The following MIPEP variants were observed in gnomAD, a reference collection of about 807,000 sequenced individuals.
MIPEP encodes mitochondrial intermediate peptidase.
Under a neutral mutation model 90.3 loss-of-function variants are expected in MIPEP, and 79 were observed. The ratio of observed to expected loss-of-function variants is 0.87; its 90% CI spans 0.73 to 1.05. The LOEUF (loss-of-function observed/expected upper bound fraction) is 1.05. Ranked by LOEUF, MIPEP falls within the 50% of genes least tolerant of loss-of-function variation. The pLI is 0.00. For synonymous variants in MIPEP, 334 were observed against 315.8 expected (o/e 1.06, Z -0.61); for missense variants, 940 against 905.6 (o/e 1.04, Z -0.49).
rs1384202045 is a variant in MIPEP at position 23,889,217 on chromosome 13, C to A, written c.104G>T (p.Arg35Met). The change falls in exon 1 of 19, where the codon AGG (arginine) becomes ATG (methionine). Residue 35 changes from arginine to methionine, a missense_variant. Transcript: ENST00000382172. ...CACGGGAGACCAGCTGGTGCTGACCCTTCGGGCCCGGATCCCGGCTTCGAG... is the reference window on the plus strand; with the variant it reads ...CACGGGAGACCAGCTGGTGCTGACCATTCGGGCCCGGATCCCGGCTTCGAG... ...GSLEAGIRAR[R>M]VSTSWSPVGA... 6 of 1,429,550 alleles carry A rather than the reference C, an allele frequency of 4.2e-6. No individual in the cohort carries two copies. The highest frequency in any genetic ancestry group is 5.5e-6 in the Non-Finnish European group (6 of 1,093,412). 88.6% of individuals were successfully genotyped at this position (1,429,550 alleles called of 1,614,324 possible).
chr13:23,837,735 C>T lies in MIPEP; in HGVS notation c.1360G>A (p.Gly454Arg). Residue 454 changes from glycine (G) to arginine (R), a missense_variant, in exon 13 of 19, where the codon GGA becomes AGA. Physicochemically the swap from Gly to Arg is moderately radical, Grantham distance 125 (BLOSUM62 -2). Transcript: ENST00000382172. ...PHQDCHFTIR[G>R]GRLKEDGDYQ... ...TCTCCATCTTCCTTTAGTCTGCCTC[C>T]ACGGATAGTGAAATGGCAATCCTTT... is the stretch of plus-strand genomic sequence containing the variant. 6.2e-7 allele frequency: 1 copy of T among 1,612,484 alleles called. No homozygotes were observed. The highest frequency in any genetic ancestry group is 8.5e-7 in the Non-Finnish European group (1 of 1,178,632).
chr13:23,764,879 C>A (rs1346494675), intron 16 of MIPEP, among the ~76,000 whole-genome samples: 3 of 152,138 alleles, frequency 2.0e-5, no homozygotes, highest in South Asian at 4.1e-4. Flanking sequence ...AAATAGTATA[C>A]CATTTCTTCA....
chr13:23,860,534 A>G (rs1870246564), intron 9 of MIPEP, among the ~76,000 whole-genome samples: 1 of 152,214 alleles, frequency 6.6e-6, no homozygotes, highest in Non-Finnish European at 1.5e-5. Flanking sequence ...GCAAGGGCCA[A>G]ATCATGAGGG....
intron 18 of MIPEP, among the ~76,000 whole-genome samples, chr13:23,744,007 C>A (rs1177215410): frequency 1.3e-5 from 2 of 152,210 alleles, no homozygotes; most frequent in Non-Finnish European, 2.9e-5. Context: ...GTGTCATAAT[C>A]CTAGAGCTAA....
At chr13:23,853,954 G>C (rs1869925242) in intron 10 of MIPEP, among the ~76,000 whole-genome samples, 1 of 152,032 alleles carries the variant, frequency 6.6e-6, no homozygotes. Flanking sequence ...AGGAAAGCAG[G>C]GAGGGAAGGA....
At chr13:23,810,469 T>C (rs1007643221) in intron 14 of MIPEP, among the ~76,000 whole-genome samples, 1 of 152,258 alleles carries the variant, frequency 6.6e-6, no homozygotes, top group African/African-American at 2.4e-5. Context: ...TTAATGTCCC[T>C]ATGTGATTTA....
intron 2 of MIPEP, among the ~76,000 whole-genome samples, chr13:23,882,262 G>A (rs576612863): frequency 2.0e-5 from 3 of 151,774 alleles, no homozygotes; most frequent in Admixed American, 2.0e-4. Flanking sequence ...AGCAGACACT[G>A]GTTTCAAATA....
Position 23,889,366 on chromosome 13 carries a change from G to C in MIPEP, c.-46C>G, listed in dbSNP as rs1000481778. ...TTCCTCCAACGCAGATCCCTGCCCT[G>C]CTGCTTTCGCTGGGAGCGCGCGCTC... is the stretch of plus-strand genomic sequence containing the variant. On this transcript the variant is annotated 5_prime_UTR_variant, in exon 1 of 19. Coordinates refer to ENST00000382172, the MANE Select transcript of MIPEP (RefSeq NM_005932.4). 5 of 1,243,734 alleles carry C rather than the reference G, an allele frequency of 4.0e-6. No individual in the cohort carries two copies. The highest frequency in any genetic ancestry group is 5.0e-6 in the Non-Finnish European group (5 of 991,618). 77.0% of individuals were successfully genotyped at this position (1,243,734 alleles called of 1,614,324 possible). A position where few individuals can be genotyped will look rare whatever the true frequency, so the allele number is the denominator to read the frequency against.
chr13:23,785,628 A>C (rs1952830712), intron 16 of MIPEP, among the ~76,000 whole-genome samples: 1 of 151,636 alleles, frequency 6.6e-6, no homozygotes, highest in Admixed American at 6.6e-5. Flanking sequence ...GTATAATAAA[A>C]AAAAAAAAAA....
In MIPEP at chr13:23,881,551, C is replaced by A. The variant is rs4067966; in HGVS notation, c.452+148G>T. 57 of 660,984 alleles carry A rather than the reference C, an allele frequency of 8.6e-5. No homozygotes were observed. In the Middle Eastern group the frequency reaches 1.6e-3, roughly 18 times the overall value. The allele number at this position is 660,984 out of a possible 1,614,324, so 40.9% of individuals were successfully genotyped here. A position where few individuals can be genotyped will look rare whatever the true frequency, so the allele number is the denominator to read the frequency against. ...AGGTGAGCCAATGGCCTGTCCTGAG[C>A]CCTCCCTCCGGCCACCCCTGGTCAC... On this transcript the variant is annotated intron_variant, in intron 3 of 18. Coordinates refer to ENST00000382172, the MANE Select transcript of MIPEP (RefSeq NM_005932.4).
chr13:23,828,360 C>T (rs751213926), intron 14 of MIPEP, among the ~76,000 whole-genome samples: 9 of 151,978 alleles, frequency 5.9e-5, no homozygotes, highest in African/African-American at 9.7e-5. Context: ...AGAAAAGATA[C>T]GTGGTTGGAA....
intron 16 of MIPEP, among the ~76,000 whole-genome samples, chr13:23,763,355 G>A (rs1482505528): frequency 6.6e-6 from 1 of 152,194 alleles, no homozygotes; most frequent in Non-Finnish European, 1.5e-5. Context: ...TACTACTGAT[G>A]ATAAGCGTCT....
chr13:23,781,547 T>C (rs931586407), intron 16 of MIPEP, among the ~76,000 whole-genome samples: 7 of 152,194 alleles, frequency 4.6e-5, no homozygotes, highest in African/African-American at 1.7e-4. Flanking sequence ...CTGCATCAAC[T>C]AGCGAGCAAA....
rs770948201 is a variant in MIPEP, at chr13:23,886,439, C to T, written c.257G>A (p.Arg86Lys). ...GFHIAQEKAL[R>K]KTELLVDRAC... is the part of the protein sequence containing the mutation. Reference sequence around the variant, plus strand: ...ACGGTCCACAAGCAATTCTGTCTTTCTCAAGGCTTTTTCTTGTGCAATATG... The same window carrying T: ...ACGGTCCACAAGCAATTCTGTCTTTTTCAAGGCTTTTTCTTGTGCAATATG... Residue 86 changes from arginine (R) to lysine (K), a missense_variant, in exon 2 of 19, where the codon AGA (arginine) becomes AAA (lysine). Transcript: ENST00000382172. The T allele has an allele frequency of 1.9e-6, 3 of 1,607,796 alleles. No individual in the cohort carries two copies. The highest frequency in any genetic ancestry group is 1.7e-5 in the Admixed American group (1 of 59,300).
At position 23,744,828 on chromosome 13, in the gene MIPEP, C is replaced by T. The variant is rs547272439; in HGVS notation, c.2044+11717G>A. On this transcript the variant is annotated intron_variant, in intron 18 of 18. Coordinates refer to ENST00000382172, the MANE Select transcript of MIPEP (RefSeq NM_005932.4). ...ATTACTTATCTTTAGAAAATCAATA[C>T]ACAGGCTATGGAAGCATTTAAATAA... Among the ~76,000 whole-genome samples the T allele has an allele frequency of 3.9e-5, 6 of 152,254 alleles. No homozygotes were observed. In the East Asian group the frequency reaches 9.6e-4, roughly 24 times the overall value.
intron 5 of MIPEP, 25 bp from the exon 6 acceptor site, chr13:23,870,220 A>G: frequency 6.9e-7 from 1 of 1,451,880 alleles, no homozygotes; most frequent in Non-Finnish European, 9.2e-7. Flanking sequence ...AGTAAAAGTT[A>G]TTTAAAGGCG....
At chr13:23,794,510 C>T (rs1295578485) in intron 16 of MIPEP, among the ~76,000 whole-genome samples, 2 of 152,118 alleles carry the variant, frequency 1.3e-5, no homozygotes, top group African/African-American at 4.8e-5. Context: ...AGAAAATTAC[C>T]AGAGAAAACG....
intron 14 of MIPEP, among the ~76,000 whole-genome samples, chr13:23,826,964 C>T (rs1868482406): frequency 6.6e-6 from 1 of 152,058 alleles, no homozygotes; most frequent in South Asian, 2.1e-4. Context: ...GTCATTATTC[C>T]CTAAACAATA....
At chr13:23,827,572 T>C (rs1188480738) in intron 14 of MIPEP, among the ~76,000 whole-genome samples, 1 of 152,252 alleles carries the variant, frequency 6.6e-6, no homozygotes, top group Non-Finnish European at 1.5e-5. Context: ...ACTCATTTTA[T>C]GAAATAGTAT....
Sources: allele counts gnomAD v4.1 joint callset (sites outside exome capture counted in the v4.1 genomes callset), GRCh38; gene constraint gnomAD v4.1.1; transcripts MANE v1.5; gene names NCBI Gene and HGNC (gene_info 2026-07-23, HGNC 2026-07-21).